Variants in MAP2K5 observed in about 807,000 individuals in gnomAD.
MAP2K5 encodes mitogen-activated protein kinase kinase 5.
A neutral mutation model predicts 83.1 loss-of-function variants in MAP2K5; 49 were observed. The ratio of observed to expected loss-of-function variants is 0.59; its 90% CI spans 0.47 to 0.75. The LOEUF is 0.75. MAP2K5 is among the 30% of genes least tolerant of loss of function. The probability of loss-of-function intolerance (pLI) is 0.00; values close to 1 mark genes in which losing one functional copy is unlikely to be tolerated. For missense variants in MAP2K5, 457 were observed against 557.5 expected, an observed-to-expected ratio of 0.82 and a Z score of 1.82; for synonymous variants, 202 against 191.8, an observed-to-expected ratio of 1.05 and a Z score of -0.44.
intron 7 of MAP2K5, among the ~76,000 whole-genome samples, chr15:67,597,371 GAT>G (rs2085550114): frequency 6.6e-6 from 1 of 152,150 alleles, no homozygotes; most frequent in Non-Finnish European, 1.5e-5. Context: ...AGTGGCCATT[GAT>G]AGGAATGTCC....
At chr15:67,622,328 C>T (rs1232506252) in intron 8 of MAP2K5, among the ~76,000 whole-genome samples, 13 of 151,966 alleles carry the variant, frequency 8.6e-5, no homozygotes, top group Admixed American at 7.9e-4. Context: ...GGCAGGAGCA[C>T]GTTTGATGGA....
chr15:67,624,755 G>A (rs961503993), intron 8 of MAP2K5, among the ~76,000 whole-genome samples: 3 of 151,042 alleles, frequency 2.0e-5, no homozygotes, highest in Non-Finnish European at 2.9e-5. Flanking sequence ...TCAGCCTCCC[G>A]AGTAGCTGGG....
chr15:67,741,661 G>A (rs1413876329), intron 17 of MAP2K5, among the ~76,000 whole-genome samples: 1 of 152,082 alleles, frequency 6.6e-6, no homozygotes, highest in Non-Finnish European at 1.5e-5. Context: ...TGGGGGTGGG[G>A]GAGTGTTGTT....
intron 16 of MAP2K5, among the ~76,000 whole-genome samples, chr15:67,716,450 T>C (rs1212991052): frequency 6.6e-6 from 1 of 152,256 alleles, no homozygotes; most frequent in Non-Finnish European, 1.5e-5. Flanking sequence ...AGTCTTCTGG[T>C]GACATGTCTC....
intron 8 of MAP2K5, among the ~76,000 whole-genome samples, chr15:67,623,306 T>G (rs2086229469): frequency 1.3e-5 from 2 of 152,214 alleles, no homozygotes; most frequent in African/African-American, 2.4e-5. Context: ...GGGCAAGAGA[T>G]AAACATGGTA....
In MAP2K5 at chr15:67,768,382, C is replaced by A. The variant is rs1456574227; in HGVS notation, c.1135-1220C>A. Reference sequence around the variant, plus strand: ...TACATCAAAGCTATTTCCTCTCGTTCTCAATAATGAATACATGCATGCATT... The same window carrying A: ...TACATCAAAGCTATTTCCTCTCGTTATCAATAATGAATACATGCATGCATT... On this transcript the variant is annotated intron_variant, in intron 19 of 21. Transcript: ENST00000178640. The surrounding 1 kb of genome is among the most constrained non-coding windows in gnomAD (Gnocchi z 4.0). Among the ~76,000 whole-genome samples, 1 of 152,118 alleles carries A rather than the reference C, an allele frequency of 6.6e-6. No homozygotes were observed. Among genetic ancestry groups the A allele is most frequent in the Non-Finnish European group, 1.5e-5 (1 of 68,034 alleles).
Position 67,543,278 on chromosome 15 carries a change from C to T in MAP2K5, c.-58C>T, listed in dbSNP as rs550481763. On this transcript the variant is annotated 5_prime_UTR_variant, in exon 1 of 22. Coordinates refer to ENST00000178640, the MANE Select transcript of MAP2K5 (RefSeq NM_145160.3). This position sits in a 1 kb window ranked among gnomAD's most constrained non-coding sequence, Gnocchi z 4.3. The stretch of plus-strand genomic sequence containing the variant: ...CCCTTGTCACCTCTTGGAGCCCCCT[C>T]CTAACCAGCGGCCAGTGGGTTTCCC... 1 of 1,602,612 alleles carries T rather than the reference C, an allele frequency of 6.2e-7. No homozygotes were observed. The highest frequency in any genetic ancestry group is 8.5e-7 in the Non-Finnish European group (1 of 1,170,948).
intron 11 of MAP2K5, among the ~76,000 whole-genome samples, chr15:67,655,801 T>G (rs2087058123): frequency 2.0e-5 from 3 of 152,326 alleles, no homozygotes; most frequent in African/African-American, 7.2e-5. Context: ...TGAAATATTC[T>G]TTCCACTCCT....
intron 13 of MAP2K5, among the ~76,000 whole-genome samples, chr15:67,686,465 G>A (rs527722380): frequency 2.0e-5 from 3 of 151,960 alleles, no homozygotes; most frequent in African/African-American, 7.2e-5. Flanking sequence ...AAACTAGCTG[G>A]GGGTGGTGGC....
intron 17 of MAP2K5, among the ~76,000 whole-genome samples, chr15:67,732,363 A>T (rs764686463): frequency 6.6e-6 from 1 of 152,246 alleles, no homozygotes. Flanking sequence ...TAGCAAATCC[A>T]TTAAGGAGAC....
intron 9 of MAP2K5, among the ~76,000 whole-genome samples, chr15:67,642,958 A>G (rs2086746155): frequency 6.6e-6 from 1 of 152,188 alleles, no homozygotes; most frequent in Non-Finnish European, 1.5e-5. Flanking sequence ...CTTAGCACTG[A>G]ATAAATGGCT....
Position 67,762,565 on chromosome 15 carries a change from C to CA in MAP2K5, c.1135-7020dup, listed in dbSNP as rs5813455. ...AAATATAAGTCTTTTAAATGACAGA[C>CA]AAAAAAAAAAAAAAAAACAAGCAGA... On this transcript the variant is annotated intron_variant, in intron 19 of 21. Coordinates refer to ENST00000178640, the MANE Select transcript of MAP2K5 (RefSeq NM_145160.3). Among the ~76,000 whole-genome samples the CA allele has an allele frequency of 7.3e-3, 873 of 119,836 alleles. 10 individuals carry two copies. The highest frequency in any genetic ancestry group is 0.017 in the African/African-American group (554 of 32,280). The allele number at this position is 119,836 out of a possible 152,430, so 78.6% of individuals were successfully genotyped here.
chr15:67,560,881 TA>T (rs2084720910), intron 2 of MAP2K5, among the ~76,000 whole-genome samples: 1 of 152,224 alleles, frequency 6.6e-6, no homozygotes, highest in Non-Finnish European at 1.5e-5. Context: ...GATTGTGATT[TA>T]AATGATTTTT....
intron 21 of MAP2K5, among the ~76,000 whole-genome samples, chr15:67,800,605 G>T (rs985041614): frequency 1.5e-4 from 23 of 152,264 alleles, no homozygotes; most frequent in Admixed American, 3.9e-4. Context: ...ATGACCAATT[G>T]TTCATATGAA....
At position 67,565,637 on chromosome 15, in the gene MAP2K5, G is replaced by GT. The variant is rs11377061; in HGVS notation, c.252+2290dup. 0.16 allele frequency among the ~76,000 whole-genome samples: 25,049 copies of GT among 152,116 alleles called. 2,860 individuals carry two copies. The highest frequency in any genetic ancestry group is 0.32 in the African/African-American group (13,194 of 41,470). The stretch of plus-strand genomic sequence containing the variant: ...ATATGCTTATTTTCTCAAATTCAGT[G>GT]TTTAATTATTTTTGTGTTGTAGGAA... On this transcript the variant is annotated intron_variant, in intron 3 of 21. Transcript: ENST00000178640. The surrounding 1 kb of genome is among the most constrained non-coding windows in gnomAD (Gnocchi z 4.1).
rs1448250753 is a variant in MAP2K5, at chr15:67,676,547, C to G, written c.847+11902C>G. On this transcript the variant is annotated intron_variant, in intron 13 of 21. Coordinates refer to ENST00000178640, the MANE Select transcript of MAP2K5 (RefSeq NM_145160.3). This position sits in a 1 kb window ranked among gnomAD's most constrained non-coding sequence, Gnocchi z 4.8. ...TGAAGGTGATCAGCACCATGGAAAT[C>G]AAATCTACTCTTTTGCTGGTGGAAG... is the stretch of plus-strand genomic sequence containing the variant. Among the ~76,000 whole-genome samples the G allele has an allele frequency of 6.6e-6, 1 of 152,118 alleles. No homozygotes were observed. The highest frequency in any genetic ancestry group is 1.5e-5 in the Non-Finnish European group (1 of 68,014).
intron 3 of MAP2K5, among the ~76,000 whole-genome samples, chr15:67,564,152 T>TCTACTGTGGTTTCTTGGCC (rs1292819928): frequency 6.6e-6 from 1 of 152,208 alleles, no homozygotes; most frequent in African/African-American, 2.4e-5. Flanking sequence ...AGACCTTAGC[T>TCTACTGTGGTTTCTTGGCC]CTACTGTGGT....
chr15:67,618,920 C>CTAAAA lies in MAP2K5; in HGVS notation c.546-11967_546-11966insAAAAT, dbSNP rs2086115524. Among the ~76,000 whole-genome samples the CTAAAA allele has an allele frequency of 3.9e-5, 6 of 152,312 alleles. 1 individual carries two copies. The South Asian group carries it at 1.2e-3, about 32-fold the overall frequency. On this transcript the variant is annotated intron_variant, in intron 8 of 21. Coordinates refer to ENST00000178640, the MANE Select transcript of MAP2K5 (RefSeq NM_145160.3). ...CTCTTCACTCAGCAGCCAAAGTGAT[C>CTAAAA]TTTCTGAAATATTAGGTCTCCCCCT...
intron 3 of MAP2K5, among the ~76,000 whole-genome samples, chr15:67,571,714 G>T (rs1339017731): frequency 6.6e-6 from 1 of 151,932 alleles, no homozygotes; most frequent in Non-Finnish European, 1.5e-5. Flanking sequence ...CATTTTTACA[G>T]CAGAGGATAC....
Sources: allele counts gnomAD v4.1 joint callset (sites outside exome capture counted in the v4.1 genomes callset), GRCh38; gene constraint gnomAD v4.1.1; non-coding constraint Gnocchi (gnomAD v3.1); transcripts MANE v1.5; gene names NCBI Gene and HGNC (gene_info 2026-07-23, HGNC 2026-07-21).